PYROXD1: variants seen among roughly 807,000 people sequenced by gnomAD.
PYROXD1 encodes pyridine nucleotide-disulphide oxidoreductase domain 1, also known as tRNA ligase complex-associated NAD(P)H dehydrogenase PYROXD1.
A neutral mutation model predicts 62.0 loss-of-function variants in PYROXD1; 42 were observed. The ratio of observed to expected loss-of-function variants is 0.68; its 90% CI spans 0.53 to 0.88. The LOEUF is 0.88. Ranked by LOEUF, PYROXD1 falls within the 40% of genes least tolerant of loss-of-function variation. The probability of loss-of-function intolerance (pLI) is 0.00; values close to 1 mark genes in which losing one functional copy is unlikely to be tolerated. For missense variants in PYROXD1, 493 were observed against 604.8 expected, an observed-to-expected ratio of 0.82 and a Z score of 1.94; for synonymous variants, 170 against 206.4, an observed-to-expected ratio of 0.82 and a Z score of 1.51.
At position 21,467,706 on chromosome 12, in the gene PYROXD1, C is replaced by A. The variant is rs182835275; in HGVS notation, c.1254+88C>A. 755 of 1,038,354 alleles carry A rather than the reference C, an allele frequency of 7.3e-4. 5 individuals are homozygous for A. The African/African-American group carries it at 0.011, about 16-fold the overall frequency. The allele number at this position is 1,038,354 out of a possible 1,614,324, so 64.3% of individuals were successfully genotyped here. A position where few individuals can be genotyped will look rare whatever the true frequency, so the allele number is the denominator to read the frequency against. On this transcript the variant is annotated intron_variant, in intron 11 of 11. Coordinates refer to ENST00000240651, the MANE Select transcript of PYROXD1 (RefSeq NM_024854.5). ...TGTGATTTTCTTGCTTGAATAAAAA[C>A]GTACATAGTTTTAATCATCTACAAA...
chr12:21,469,951 T>C lies in PYROXD1; in HGVS notation c.*1197T>C. The C allele has an allele frequency of 2.5e-6, 1 of 396,900 alleles. No homozygotes were observed. The highest frequency in any genetic ancestry group is 4.3e-6 in the Non-Finnish European group (1 of 231,868). The allele number at this position is 396,900 out of a possible 1,614,324, so 24.6% of individuals were successfully genotyped here. On this transcript the variant is annotated 3_prime_UTR_variant, in exon 12 of 12. Coordinates refer to ENST00000240651, the MANE Select transcript of PYROXD1 (RefSeq NM_024854.5). Reference sequence around the variant, plus strand: ...TGTATGAACTTATTCTCAAATATTTTACATTTAAAGGGTTTTACATAAAAA... The same window carrying C: ...TGTATGAACTTATTCTCAAATATTTCACATTTAAAGGGTTTTACATAAAAA...
intron 8 of PYROXD1, 61 bp from the exon 9 acceptor site, chr12:21,461,947 T>G (rs1942704670): frequency 1.0e-6 from 1 of 970,390 alleles, no homozygotes; most frequent in Non-Finnish European, 1.6e-6. Flanking sequence ...TCACATACAC[T>G]GCTGTGGTGA....
intron 10 of PYROXD1, among the ~76,000 whole-genome samples, chr12:21,464,914 G>A (rs1228034016): frequency 2.0e-5 from 3 of 152,136 alleles, no homozygotes; most frequent in Admixed American, 1.3e-4. Context: ...GTGAGAACAT[G>A]TGGTGTTTGG....
intron 7 of PYROXD1, among the ~76,000 whole-genome samples, chr12:21,458,888 T>G (rs1410431215): frequency 1.3e-5 from 2 of 152,142 alleles, no homozygotes; most frequent in African/African-American, 4.8e-5. Flanking sequence ...TTGCAAGAAT[T>G]ACCAAAATGT....
At chr12:21,455,438 C>T in intron 6 of PYROXD1, 146 bp downstream of exon 6, 1 of 311,260 alleles carries the variant, frequency 3.2e-6, no homozygotes, top group Non-Finnish European at 5.8e-6. Context: ...TTCAGATTTT[C>T]TATTTTATAT....
chr12:21,450,398 C>T (rs1384697382), intron 4 of PYROXD1, among the ~76,000 whole-genome samples: 1 of 151,696 alleles, frequency 6.6e-6, no homozygotes, highest in South Asian at 2.1e-4. Flanking sequence ...TATTCTCCAG[C>T]AAAAAAAATT....
rs368578482 is a variant in PYROXD1, at chr12:21,455,888, A to G, written c.650-107A>G. 1.5e-4 allele frequency: 99 copies of G among 669,230 alleles called. 2 individuals carry two copies. Among genetic ancestry groups the G allele is most frequent in the East Asian group, 1.4e-3 (52 of 36,164 alleles). 41.5% of individuals were successfully genotyped at this position (669,230 alleles called of 1,614,324 possible). A position where few individuals can be genotyped will look rare whatever the true frequency, so the allele number is the denominator to read the frequency against. ...GATAACATAGGTTAGTCATGCTGTAATGTATGTATATATATGAATCATTAC... is the reference window on the plus strand; with the variant it reads ...GATAACATAGGTTAGTCATGCTGTAGTGTATGTATATATATGAATCATTAC... On this transcript the variant is annotated intron_variant, in intron 6 of 11. Transcript: ENST00000240651.
intron 4 of PYROXD1, among the ~76,000 whole-genome samples, chr12:21,451,849 G>GA (rs1282432243): frequency 6.6e-6 from 1 of 152,114 alleles, no homozygotes; most frequent in Non-Finnish European, 1.5e-5. Flanking sequence ...AAAAGGAAAG[G>GA]AAAATCAGGA....
rs1942951202 is a variant in PYROXD1, at chr12:21,471,210, A to G, written c.*2456A>G. On this transcript the variant is annotated 3_prime_UTR_variant, in exon 12 of 12. Transcript: ENST00000240651. ...AATTCTTAACACATTGACTTGAAAT[A>G]ATAAAATTTACAAGAATGCAAATAA... is the stretch of plus-strand genomic sequence containing the variant. 5.2e-6 allele frequency: 6 copies of G among 1,161,694 alleles called. No homozygotes were observed. In the Admixed American group the frequency reaches 1.6e-4, roughly 32 times the overall value. The allele number at this position is 1,161,694 out of a possible 1,614,324, so 72.0% of individuals were successfully genotyped here. A position where few individuals can be genotyped will look rare whatever the true frequency, so the allele number is the denominator to read the frequency against.
chr12:21,446,995 T>G (rs1318657330), intron 3 of PYROXD1, among the ~76,000 whole-genome samples: 2 of 152,300 alleles, frequency 1.3e-5, no homozygotes, highest in African/African-American at 4.8e-5. Flanking sequence ...AATGTAGTTG[T>G]AAAAAATATC....
In PYROXD1 at chr12:21,468,883, A is replaced by C. The variant is rs10841827; in HGVS notation, c.*129A>C. ...AAATTACAGAAGTGATAATGATATTAGTGGAAAAATATAAAAACATAAATT... is the reference window on the plus strand; with the variant it reads ...AAATTACAGAAGTGATAATGATATTCGTGGAAAAATATAAAAACATAAATT... On this transcript the variant is annotated 3_prime_UTR_variant, in exon 12 of 12. Coordinates refer to ENST00000240651, the MANE Select transcript of PYROXD1 (RefSeq NM_024854.5). 363,970 of 841,950 alleles carry C rather than the reference A, an allele frequency of 0.43. 82,421 individuals carry two copies. The highest frequency in any genetic ancestry group is 0.5 in the South Asian group (26,092 of 52,386). The allele number at this position is 841,950 out of a possible 1,614,324, so 52.2% of individuals were successfully genotyped here.
rs540986183 is a variant in PYROXD1, at chr12:21,466,737, T to C, written c.1117-744T>C. 2.7e-3 allele frequency among the ~76,000 whole-genome samples: 411 copies of C among 152,300 alleles called. 2 individuals are homozygous for C. Among genetic ancestry groups the C allele is most frequent in the Non-Finnish European group, 3.5e-3 (237 of 68,034 alleles). ...GGTGAGAGAGGGCATCCCTGTCTTA[T>C]GCCAGTTTTCAAAGGGAATGCTTCC... On this transcript the variant is annotated intron_variant, in intron 10 of 11. Coordinates refer to ENST00000240651, the MANE Select transcript of PYROXD1 (RefSeq NM_024854.5).
chr12:21,470,952 A>T lies in PYROXD1; in HGVS notation c.*2198A>T. On this transcript the variant is annotated 3_prime_UTR_variant, in exon 12 of 12. Transcript: ENST00000240651. Reference sequence around the variant, plus strand: ...ACTTTTTAAAATATATAAAACTGAAAATTAATAGCCATTTACCCTGAAAGA... The same window carrying T: ...ACTTTTTAAAATATATAAAACTGAATATTAATAGCCATTTACCCTGAAAGA... 1 of 1,350,306 alleles carries T rather than the reference A, an allele frequency of 7.4e-7. No individual in the cohort carries two copies. The highest frequency in any genetic ancestry group is 9.9e-7 in the Non-Finnish European group (1 of 1,014,116). The allele number at this position is 1,350,306 out of a possible 1,614,324, so 83.6% of individuals were successfully genotyped here.
At chr12:21,452,223 A>G (rs3759229) in intron 5 of PYROXD1, 69 bp downstream of exon 5, 1 of 1,014,204 alleles carries the variant, frequency 9.9e-7, no homozygotes, top group African/African-American at 1.7e-5. Flanking sequence ...AAATTAAACA[A>G]TTGCTTTGTG....
chr12:21,443,270 A>G (rs903942114), intron 2 of PYROXD1, among the ~76,000 whole-genome samples: 2 of 152,324 alleles, frequency 1.3e-5, no homozygotes, highest in Non-Finnish European at 1.5e-5. Context: ...AAAGTTTCCA[A>G]TAAAAAATTT....
intron 2 of PYROXD1, among the ~76,000 whole-genome samples, chr12:21,443,418 T>G (rs549890890): frequency 6.6e-6 from 1 of 152,260 alleles, no homozygotes; most frequent in Admixed American, 6.5e-5. Flanking sequence ...AGATAATTAG[T>G]GTCTCAGAAT....
intron 1 of PYROXD1, chr12:21,438,032 T>A (rs1942224562): frequency 3.5e-6 from 2 of 576,704 alleles, no homozygotes; most frequent in Non-Finnish European, 6.1e-6. Context: ...GGAGGCAAAT[T>A]ATAGCCGAGA....
At position 21,455,275 on chromosome 12, in the gene PYROXD1, C is replaced by T; in HGVS notation, c.632C>T (p.Thr211Ile). 5 of 1,559,260 alleles carry T rather than the reference C, an allele frequency of 3.2e-6. No homozygotes were observed. Among genetic ancestry groups the T allele is most frequent in the Non-Finnish European group, 4.3e-6 (5 of 1,153,626 alleles). The part of the protein sequence containing the change: ...KSEAKIAHKR[T>I]RYTTEGRKKE... ...GAGGCTAAAATTGCACATAAAAGAA[C>T]CAGATATACAACTGAAGGTAAGTGT... is the stretch of plus-strand genomic sequence containing the variant. Residue 211 changes from threonine (T) to isoleucine (I), a missense_variant, in exon 6 of 12, where the codon ACC becomes ATC. Physicochemically the swap from Thr to Ile is moderately conservative, Grantham distance 89. Around this residue, in one of 2 missense-constraint regions of PYROXD1, gnomAD observed 329 missense variants for 446.6 expected, o/e 0.74. Transcript: ENST00000240651.
chr12:21,440,445 G>A lies in PYROXD1; in HGVS notation c.162G>A (p.Lys54=). ...SPVIKAVTNF[K]QISKILEEFD... The stretch of plus-strand genomic sequence containing the variant: ...TTATTAAAGCAGTTACAAATTTCAA[G>A]CAGGTAAGAACCTTTGTATAACTTG... The change falls in exon 2 of 12, where the codon AAG becomes AAA. Residue 54 remains lysine, a synonymous_variant. Coordinates refer to ENST00000240651, the MANE Select transcript of PYROXD1 (RefSeq NM_024854.5). 4 of 1,575,210 alleles carry A rather than the reference G, an allele frequency of 2.5e-6. No homozygotes were observed. The highest frequency in any genetic ancestry group is 3.5e-6 in the Non-Finnish European group (4 of 1,151,166).
Sources: allele counts gnomAD v4.1 joint callset (sites outside exome capture counted in the v4.1 genomes callset), GRCh38; gene constraint gnomAD v4.1.1; regional missense constraint gnomAD v4.1.1; transcripts MANE v1.5; gene names NCBI Gene and HGNC (gene_info 2026-07-23, HGNC 2026-07-21).